Variants in ZBTB16 observed in about 807,000 individuals in gnomAD.
ZBTB16 encodes zinc finger and BTB domain-containing protein 16.
Under a neutral mutation model 56.8 loss-of-function variants are expected in ZBTB16, and 8 were observed. The ratio of observed to expected loss-of-function variants is 0.14; its 90% CI spans 0.08 to 0.25. ZBTB16 has a LOEUF of 0.25. Ranked by LOEUF, ZBTB16 falls within the 10% of genes least tolerant of loss-of-function variation. ZBTB16 has a pLI of 1.00. For synonymous variants in ZBTB16, 363 were observed against 368.5 expected (o/e 0.98, Z 0.17); for missense variants, 625 against 903.0 (o/e 0.69, Z 3.95).
chr11:114,178,874 A>G (rs1001230767), intron 3 of ZBTB16, among the ~76,000 whole-genome samples: 4 of 152,178 alleles, frequency 2.6e-5, no homozygotes, highest in African/African-American at 9.7e-5. Flanking sequence ...GGTGTCAGTC[A>G]TTTGCCAGGT....
intron 2 of ZBTB16, among the ~76,000 whole-genome samples, chr11:114,147,285 G>C (rs1200408917): frequency 2.6e-5 from 4 of 152,232 alleles, no homozygotes; most frequent in Middle Eastern, 3.4e-3. Context: ...TGTCTCCCTG[G>C]CTAGAGTGGA....
chr11:114,060,116 G>A lies in ZBTB16; in HGVS notation c.-91+234G>A, dbSNP rs1289509564. The stretch of plus-strand genomic sequence containing the variant: ...CAGCCTGGGCGCAGCTGCCTCCCCA[G>A]CCCTTCCTCTTCAGGGCACGGTCGG... On this transcript the variant is annotated intron_variant, in intron 1 of 6. Transcript: ENST00000335953. The surrounding 1 kb of genome is among the most constrained non-coding windows in gnomAD (Gnocchi z 6.0). 1.2e-5 allele frequency: 3 copies of A among 242,372 alleles called. No homozygotes were observed. Among genetic ancestry groups the A allele is most frequent in the Admixed American group, 1.1e-4 (2 of 17,772 alleles). 15.0% of individuals were successfully genotyped at this position (242,372 alleles called of 1,614,324 possible).
chr11:114,131,671 C>G (rs763585620), intron 2 of ZBTB16, among the ~76,000 whole-genome samples: 9 of 152,248 alleles, frequency 5.9e-5, no homozygotes, highest in South Asian at 2.1e-4. Flanking sequence ...ATAGCTCCCC[C>G]CCTTTTTTTC....
chr11:114,162,845 T>C (rs1187376478), intron 3 of ZBTB16, among the ~76,000 whole-genome samples: 1 of 152,098 alleles, frequency 6.6e-6, no homozygotes, highest in Non-Finnish European at 1.5e-5. Context: ...GGGAGCCACT[T>C]TCCCCCAGCT....
At chr11:114,208,778 A>G (rs978365509) in intron 4 of ZBTB16, among the ~76,000 whole-genome samples, 1 of 152,236 alleles carries the variant, frequency 6.6e-6, no homozygotes, top group Non-Finnish European at 1.5e-5. Flanking sequence ...TTGGAATGAT[A>G]GAGAAAATAA....
At chr11:114,126,237 A>G (rs1269619785) in intron 2 of ZBTB16, among the ~76,000 whole-genome samples, 1 of 152,166 alleles carries the variant, frequency 6.6e-6, no homozygotes, top group Non-Finnish European at 1.5e-5. Flanking sequence ...GCTCTGCCCC[A>G]TCTGGTCTTA....
intron 6 of ZBTB16, among the ~76,000 whole-genome samples, chr11:114,249,755 C>G (rs1285432917): frequency 2.8e-5 from 3 of 108,984 alleles, no homozygotes; most frequent in Non-Finnish European, 5.2e-5. Context: ...CTGGGCGACA[C>G]AGCGAGACTC....
chr11:114,079,069 C>G (rs938400914), intron 2 of ZBTB16, among the ~76,000 whole-genome samples: 2 of 149,424 alleles, frequency 1.3e-5, no homozygotes, highest in Non-Finnish European at 3.0e-5. Context: ...CAGATCCTGC[C>G]GTTGCACTCC....
At chr11:114,163,853 G>A (rs952448021) in intron 3 of ZBTB16, among the ~76,000 whole-genome samples, 2 of 152,066 alleles carry the variant, frequency 1.3e-5, no homozygotes, top group Non-Finnish European at 2.9e-5. Context: ...TCCACATTAT[G>A]TCTATCCATT....
chr11:114,202,075 G>A (rs1591777117), intron 4 of ZBTB16, among the ~76,000 whole-genome samples: 1 of 152,330 alleles, frequency 6.6e-6, no homozygotes, highest in Middle Eastern at 3.4e-3. Context: ...AATGCCAGAT[G>A]GAGAATGCAG....
intron 2 of ZBTB16, among the ~76,000 whole-genome samples, chr11:114,093,693 A>G (rs1940277659): frequency 6.6e-6 from 1 of 152,248 alleles, no homozygotes; most frequent in Non-Finnish European, 1.5e-5. Context: ...TGGGAAAGAC[A>G]TAGTACAGGA....
intron 4 of ZBTB16, among the ~76,000 whole-genome samples, chr11:114,207,883 G>A (rs1414683345): frequency 2.6e-5 from 4 of 152,174 alleles, no homozygotes; most frequent in Admixed American, 1.3e-4. Flanking sequence ...CAAAGTGCTG[G>A]GATTACAGGC....
At chr11:114,214,220 C>T (rs1944049530) in intron 4 of ZBTB16, among the ~76,000 whole-genome samples, 1 of 152,152 alleles carries the variant, frequency 6.6e-6, no homozygotes, top group South Asian at 2.1e-4. Flanking sequence ...TGGGACCTAA[C>T]TCAGGGCCTG....
At chr11:114,234,496 A>G (rs1457271196) in intron 4 of ZBTB16, among the ~76,000 whole-genome samples, 2 of 152,208 alleles carry the variant, frequency 1.3e-5, no homozygotes, top group African/African-American at 4.8e-5. Flanking sequence ...TTTGGCCTTC[A>G]TTGCCCACAT....
intron 2 of ZBTB16, among the ~76,000 whole-genome samples, chr11:114,135,782 C>T (rs1028735083): frequency 2.0e-5 from 3 of 152,234 alleles, no homozygotes; most frequent in African/African-American, 7.2e-5. Context: ...CTGAGTGGCT[C>T]ATCCTTGGGC....
chr11:114,156,295 C>A, intron 2 of ZBTB16, 42 bp from the exon 3 acceptor site: 1 of 1,605,446 alleles, frequency 6.2e-7, no homozygotes, highest in Non-Finnish European at 8.5e-7. Context: ...GCCTCTTGTC[C>A]AGCCAGAGCA....
intron 2 of ZBTB16, among the ~76,000 whole-genome samples, chr11:114,126,613 C>T (rs763857): frequency 0.37 from 56,241 of 152,044 alleles, 10,739 homozygotes; most frequent in Admixed American, 0.46. Flanking sequence ...GTTAGGGATC[C>T]GGCTGCAGTG....
chr11:114,094,600 A>C (rs1591659629), intron 2 of ZBTB16, among the ~76,000 whole-genome samples: 1 of 152,206 alleles, frequency 6.6e-6, no homozygotes. Context: ...GCTGGGGCTC[A>C]AGAAGTTTCT....
intron 2 of ZBTB16, among the ~76,000 whole-genome samples, chr11:114,107,534 G>C (rs1940838995): frequency 6.6e-6 from 1 of 152,136 alleles, no homozygotes; most frequent in African/African-American, 2.4e-5. Context: ...CCTCCAAAGA[G>C]CATGATTTCT....
Sources: allele counts gnomAD v4.1 joint callset (sites outside exome capture counted in the v4.1 genomes callset), GRCh38; gene constraint gnomAD v4.1.1; non-coding constraint Gnocchi (gnomAD v3.1); transcripts MANE v1.5; gene names NCBI Gene and HGNC (gene_info 2026-07-23, HGNC 2026-07-21).